Variants in TMEM50B observed in about 807,000 individuals in gnomAD.
The protein encoded by TMEM50B is HCV p7-trans-regulated protein 3.
TMEM50B carries 14 observed loss-of-function variants against 23.4 expected under a neutral mutation model. The observed-to-expected ratio is 0.60, with a 90% confidence interval of 0.39 to 0.93. The LOEUF is 0.93. TMEM50B is among the 40% of genes least tolerant of loss of function. The pLI, the probability that TMEM50B is intolerant of heterozygous loss-of-function variation, is 0.00. For synonymous variants in TMEM50B, 64 were observed against 62.3 expected, an observed-to-expected ratio of 1.03 and a Z score of -0.13; for missense variants, 159 against 193.0, an observed-to-expected ratio of 0.82 and a Z score of 1.04.
chr21:33,475,059 G>A (rs111538770), intron 1 of TMEM50B, among the ~76,000 whole-genome samples: 2 of 150,446 alleles, frequency 1.3e-5, no homozygotes, highest in Admixed American at 6.7e-5. Context: ...CCCAAGTAGC[G>A]GAGATTACAG....
intron 4 of TMEM50B, among the ~76,000 whole-genome samples, chr21:33,462,899 A>G (rs990029673): frequency 2.0e-5 from 3 of 152,234 alleles, no homozygotes; most frequent in African/African-American, 7.2e-5. Flanking sequence ...TGTGCACTTT[A>G]AACTTAGGCT....
chr21:33,458,282 G>C (rs1391913914), intron 5 of TMEM50B, among the ~76,000 whole-genome samples: 2 of 152,190 alleles, frequency 1.3e-5, no homozygotes, highest in Admixed American at 1.3e-4. Context: ...GGGAGGCTGA[G>C]GTGGGTGGAT....
At chr21:33,444,782 T>C (rs1479253469), downstream of TMEM50B, among the ~76,000 whole-genome samples, 1 of 102,416 alleles carries the variant, frequency 9.8e-6, no homozygotes, top group Non-Finnish European at 1.8e-5. Context: ...CTGGGTAAAA[T>C]AGTGAGACTC....
chr21:33,458,872 T>G (rs190786428), intron 5 of TMEM50B, among the ~76,000 whole-genome samples: 1 of 152,342 alleles, frequency 6.6e-6, no homozygotes, highest in Admixed American at 6.5e-5. Flanking sequence ...GTGACCAATG[T>G]TATTTAAGCC....
At chr21:33,450,890 A>C (rs1424631123) in intron 6 of TMEM50B, 27 bp from the exon 7 acceptor site, 1 of 1,602,886 alleles carries the variant, frequency 6.2e-7, no homozygotes, top group Non-Finnish European at 8.5e-7. Flanking sequence ...ACAAATCATG[A>C]GGAAAAAACC....
At position 33,465,363 on chromosome 21, in the gene TMEM50B, T is replaced by C; in HGVS notation, c.259A>G (p.Ser87Gly). 6.2e-7 allele frequency: 1 copy of C among 1,613,338 alleles called. No homozygotes were observed. Among genetic ancestry groups the C allele is most frequent in the Non-Finnish European group, 8.5e-7 (1 of 1,179,798 alleles). Residue 87 changes from serine (S) to glycine (G), a missense_variant, in exon 4 of 7, where the codon AGC becomes GGC. Physicochemically the swap from Ser to Gly is moderately conservative, Grantham distance 56. Coordinates refer to ENST00000542230, the MANE Select transcript of TMEM50B (RefSeq NM_006134.7). Reference protein sequence around the residue: ...NAQVRGDSYESGCLGRTGARV... With the variant: ...NAQVRGDSYEGGCLGRTGARV... Reference sequence around the variant, plus strand: ...TTACCTGTTCTTCCTAAACAGCCGCTTTCATAGCTATCACCTCTCACCTGA... The same window carrying C: ...TTACCTGTTCTTCCTAAACAGCCGCCTTCATAGCTATCACCTCTCACCTGA...
chr21:33,457,865 C>A (rs190084721), intron 5 of TMEM50B, among the ~76,000 whole-genome samples: 1 of 152,170 alleles, frequency 6.6e-6, no homozygotes, highest in East Asian at 1.9e-4. Context: ...ACCCACCCCC[C>A]GGAACCTAAC....
At position 33,450,264 on chromosome 21, in the gene TMEM50B, C is replaced by T. The variant is rs1455633190; in HGVS notation, c.*554G>A. The T allele has an allele frequency of 6.6e-6, 1 of 152,180 alleles. No individual in the cohort carries two copies. The highest frequency in any genetic ancestry group is 1.9e-4 in the East Asian group (1 of 5,192). The allele number at this position is 152,180 out of a possible 1,614,324, so 9.4% of individuals were successfully genotyped here. ...CCAGGCTAGAGTGCAGTGGCGCAAA[C>T]TCAGCTCACTACAACCTCTGCCCCC... On this transcript the variant is annotated 3_prime_UTR_variant, in exon 7 of 7. Transcript: ENST00000542230.
intron 8 of TMEM50B, chr21:33,436,771 G>A (rs979055260): frequency 2.2e-6 from 3 of 1,388,946 alleles, no homozygotes; most frequent in Non-Finnish European, 3.0e-6. Context: ...AAAGTTAAAA[G>A]GTCTGGTATA....
downstream of TMEM50B, among the ~76,000 whole-genome samples, chr21:33,444,481 GT>G (rs1342425946): frequency 1.3e-5 from 2 of 151,896 alleles, no homozygotes; most frequent in Non-Finnish European, 2.9e-5. Flanking sequence ...GGAGGCAGAG[GT>G]TGCAGTGAGC....
chr21:33,432,850 C>T, intron 8 of TMEM50B: 1 of 1,612,680 alleles, frequency 6.2e-7, no homozygotes, highest in Non-Finnish European at 8.5e-7. Flanking sequence ...CTCCACCAAG[C>T]ATCCCATTAC....
intron 8 of TMEM50B, among the ~76,000 whole-genome samples, chr21:33,434,248 G>A (rs1010771569): frequency 5.3e-5 from 8 of 152,158 alleles, no homozygotes; most frequent in African/African-American, 7.2e-5. Flanking sequence ...GCAGCCGGGC[G>A]CAGTGACCCA....
Position 33,450,842 on chromosome 21 carries a change from T to C in TMEM50B, c.453A>G (p.Gly151=). 1 of 1,613,214 alleles carries C rather than the reference T, an allele frequency of 6.2e-7. No homozygotes were observed. The highest frequency in any genetic ancestry group is 8.5e-7 in the Non-Finnish European group (1 of 1,179,542). ...CTCAGGTCCATAGCTCTTCGGTTCT[T>C]CCAAATTTGTAGATCAGAGTGCTAG... ...IFFSTLIYKF[G]RTEELWT is the part of the protein sequence containing the mutation. Residue 151 remains glycine (G), a synonymous_variant, in exon 7 of 7, where the codon GGA becomes GGG. Transcript: ENST00000542230.
chr21:33,446,777 G>A (rs1002857423), downstream of TMEM50B, among the ~76,000 whole-genome samples: 1 of 152,010 alleles, frequency 6.6e-6, no homozygotes, highest in Non-Finnish European at 1.5e-5. Flanking sequence ...AGGAGGCTGA[G>A]GCAGGAGGAT....
At chr21:33,444,325 A>T (rs1424206370), downstream of TMEM50B, among the ~76,000 whole-genome samples, 1 of 152,212 alleles carries the variant, frequency 6.6e-6, no homozygotes, top group Non-Finnish European at 1.5e-5. Context: ...AGGTGAGCAG[A>T]CCGCTTGAGC....
chr21:33,435,230 C>T (rs949291367), intron 8 of TMEM50B, among the ~76,000 whole-genome samples: 1 of 152,078 alleles, frequency 6.6e-6, no homozygotes, highest in African/African-American at 2.4e-5. Context: ...GGCCTAAGGC[C>T]CTCGCTCCCA....
intron 1 of TMEM50B, among the ~76,000 whole-genome samples, chr21:33,475,296 ATGT>A (rs1391884787): frequency 6.6e-6 from 1 of 152,108 alleles, no homozygotes; most frequent in African/African-American, 2.4e-5. Context: ...TAAATTATAC[ATGT>A]TTTATATGCT....
rs376206853 is a variant in TMEM50B, at chr21:33,477,916, A to T, written c.-42+1922T>A. On this transcript the variant is annotated intron_variant, in intron 1 of 6. Transcript: ENST00000542230. ...TTTGGGAGGCTGAGGCAGGTGGATC[A>T]CGAGGTCAGGAGATCGAGACCATCC... Among the ~76,000 whole-genome samples, 19 of 151,608 alleles carry T rather than the reference A, an allele frequency of 1.3e-4. 1 individual carries two copies. In the East Asian group the frequency reaches 3.3e-3, roughly 26 times the overall value.
At chr21:33,432,507 C>A in exon 9 of TMEM50B, 1 of 845,426 alleles carries the variant, frequency 1.2e-6, no homozygotes, top group Non-Finnish European at 2.0e-6. Context: ...GTAGTGGAGG[C>A]TACCAGACAG....
Sources: allele counts gnomAD v4.1 joint callset (sites outside exome capture counted in the v4.1 genomes callset), GRCh38; gene constraint gnomAD v4.1.1; transcripts MANE v1.5; gene names NCBI Gene and HGNC (gene_info 2026-07-23, HGNC 2026-07-21).